The following HDAC4 variants were observed in gnomAD, a reference collection of about 807,000 sequenced individuals.
The protein encoded by HDAC4 is histone deacetylase A.
Under a neutral mutation model 135.1 loss-of-function variants are expected in HDAC4, and 16 were observed. That is an observed-to-expected ratio of 0.12 (90% CI 0.08 to 0.18). The LOEUF (loss-of-function observed/expected upper bound fraction) is 0.18, where lower values mean the gene tolerates loss of function less well. Ranked by LOEUF, HDAC4 falls within the 10% of genes least tolerant of loss-of-function variation. The pLI is 1.00. For synonymous variants in HDAC4, 685 were observed against 653.4 expected (o/e 1.05, Z -0.74); for missense variants, 1,143 against 1,511.8 (o/e 0.76, Z 4.05).
intron 1 of HDAC4, among the ~76,000 whole-genome samples, chr2:239,357,283 A>T (rs1413594033): frequency 1.3e-5 from 2 of 152,240 alleles, no homozygotes; most frequent in African/African-American, 2.4e-5. Context: ...AAAAAATTTA[A>T]AAGAAGTTAG....
At chr2:239,257,085 A>T (rs1533932) in intron 2 of HDAC4, among the ~76,000 whole-genome samples, 1 of 151,862 alleles carries the variant, frequency 6.6e-6, no homozygotes, top group Non-Finnish European at 1.5e-5. Flanking sequence ...ATTCCTATAA[A>T]CCCTTTAATA....
At chr2:239,119,521 T>TCAGAGCTGAGGGTGTGGGGAC (rs1367516597) in intron 12 of HDAC4, among the ~76,000 whole-genome samples, 1 of 150,644 alleles carries the variant, frequency 6.6e-6, no homozygotes, top group Admixed American at 6.6e-5. Flanking sequence ...GGACCAGAGC[T>TCAGAGCTGAGGGTGTGGGGAC]CAGAGCTGAG....
intron 2 of HDAC4, among the ~76,000 whole-genome samples, chr2:239,338,020 A>G (rs929053004): frequency 2.6e-5 from 4 of 152,148 alleles, no homozygotes; most frequent in Non-Finnish European, 5.9e-5. Flanking sequence ...ATCCCCCAGC[A>G]CACCGAAAGC....
intron 18 of HDAC4, chr2:239,089,677 A>AT (rs2152719596): frequency 3.4e-6 from 1 of 291,252 alleles, no homozygotes; most frequent in African/African-American, 2.2e-5. Flanking sequence ...TGTAATCTCT[A>AT]ATAGAGTCAA....
chr2:239,263,275 G>GGAC (rs2049491542), intron 2 of HDAC4, among the ~76,000 whole-genome samples: 1 of 79,466 alleles, frequency 1.3e-5, no homozygotes, highest in Admixed American at 1.2e-4. Context: ...CCCCCGCCCA[G>GGAC]CCCAGCCCCC....
rs116502791 is a variant in HDAC4 at position 239,188,743 on chromosome 2, C to T, written c.339+1090G>A. On this transcript the variant is annotated intron_variant, in intron 4 of 26. Transcript: ENST00000543185. ...GCCTGCCACTTCCCAGATCAGGGCACGAGAGACCCTGTGGCTTCCATGTTG... is the reference window on the plus strand; with the variant it reads ...GCCTGCCACTTCCCAGATCAGGGCATGAGAGACCCTGTGGCTTCCATGTTG... 3.5e-3 allele frequency among the ~76,000 whole-genome samples: 527 copies of T among 152,354 alleles called. 3 individuals carry two copies. Among genetic ancestry groups the T allele is most frequent in the African/African-American group, 0.012 (496 of 41,576 alleles).
intron 17 of HDAC4, chr2:239,091,586 C>G (rs1462477337): frequency 6.6e-6 from 1 of 152,158 alleles, no homozygotes; most frequent in East Asian, 1.9e-4. Context: ...CTCGAGGGCT[C>G]CTGTCCACCA....
rs545488966 is a variant in HDAC4 at position 239,165,659 on chromosome 2, G to A, written c.491-1736C>T. ...GGATGGAGAACACAAAGGCGGCCAG[G>A]TGCGCCTCAGGTGAGGTTGGCTCAG... On this transcript the variant is annotated intron_variant, in intron 5 of 26. Transcript: ENST00000543185. 1.1e-4 allele frequency among the ~76,000 whole-genome samples: 16 copies of A among 152,338 alleles called. No individual in the cohort carries two copies. In the South Asian group the frequency reaches 3.1e-3, roughly 30 times the overall value.
chr2:239,099,664 CTT>C (rs1181343114), intron 16 of HDAC4, among the ~76,000 whole-genome samples: 1 of 152,232 alleles, frequency 6.6e-6, no homozygotes, highest in Non-Finnish European at 1.5e-5. Flanking sequence ...CTAGGGCTCC[CTT>C]CCCCAGCCCC....
chr2:239,351,024 A>T (rs1394456546), intron 2 of HDAC4, among the ~76,000 whole-genome samples: 3 of 152,212 alleles, frequency 2.0e-5, no homozygotes, highest in Non-Finnish European at 4.4e-5. Flanking sequence ...GACTGAACCT[A>T]CCCAGTGCTG....
intron 12 of HDAC4, among the ~76,000 whole-genome samples, chr2:239,116,415 A>C (rs2039138613): frequency 6.6e-6 from 1 of 152,092 alleles, no homozygotes; most frequent in Non-Finnish European, 1.5e-5. Context: ...TCACACCCCA[A>C]GCTCCCAATT....
At chr2:239,222,879 T>C (rs988040575) in intron 3 of HDAC4, among the ~76,000 whole-genome samples, 3 of 152,086 alleles carry the variant, frequency 2.0e-5, no homozygotes, top group African/African-American at 7.2e-5. Context: ...CCAGTAAGCA[T>C]TGTCACCTGG....
At chr2:239,142,412 C>T (rs2041444583) in intron 8 of HDAC4, among the ~76,000 whole-genome samples, 1 of 152,200 alleles carries the variant, frequency 6.6e-6, no homozygotes, top group Admixed American at 6.5e-5. Flanking sequence ...CCCATCGTGG[C>T]AGCTCCCTGG....
chr2:239,266,585 G>A (rs1164335591), intron 2 of HDAC4, among the ~76,000 whole-genome samples: 1 of 152,182 alleles, frequency 6.6e-6, no homozygotes, highest in Admixed American at 6.5e-5. Context: ...CTCCCTCTGG[G>A]AAATTATAAG....
In HDAC4 at chr2:239,369,636, G is replaced by A. The variant is rs544328250; in HGVS notation, c.-219-16718C>T. Among the ~76,000 whole-genome samples the A allele has an allele frequency of 2.6e-5, 4 of 152,230 alleles. No homozygotes were observed. In the South Asian group the frequency reaches 6.2e-4, roughly 24 times the overall value. On this transcript the variant is annotated intron_variant, in intron 1 of 26. Coordinates refer to ENST00000543185, the MANE Select transcript of HDAC4 (RefSeq NM_001378414.1). ...CGGGTCAAGCCCTGCTCTCATTTCC[G>A]CGTACACGGTGTAGCTGGGCATGAA...
chr2:239,211,133 A>T (rs2046336923), intron 3 of HDAC4, among the ~76,000 whole-genome samples: 1 of 152,254 alleles, frequency 6.6e-6, no homozygotes, highest in Non-Finnish European at 1.5e-5. Context: ...GCTTTCATGC[A>T]TCGAAAATCA....
chr2:239,098,219 C>G (rs1253765926), intron 16 of HDAC4, among the ~76,000 whole-genome samples: 2 of 152,240 alleles, frequency 1.3e-5, no homozygotes. Flanking sequence ...AGGAGCCCAG[C>G]GGCCTCCTGT....
Position 239,328,523 on chromosome 2 carries a change from C to G in HDAC4, c.22+24155G>C, listed in dbSNP as rs547529675. Among the ~76,000 whole-genome samples, 7 of 152,300 alleles carry G rather than the reference C, an allele frequency of 4.6e-5. No homozygotes were observed. The East Asian group carries it at 1.4e-3, about 29-fold the overall frequency. On this transcript the variant is annotated intron_variant, in intron 2 of 26. Transcript: ENST00000543185. ...CTCACACACAGGGATCTTTCTTAAC[C>G]CCTACAGAATGCCCACTGGAAGGAG...
At chr2:239,248,886 T>C (rs2048619964) in intron 2 of HDAC4, among the ~76,000 whole-genome samples, 1 of 152,210 alleles carries the variant, frequency 6.6e-6, no homozygotes. Flanking sequence ...GGCTCATTCA[T>C]TCAAGTTTTC....
Sources: allele counts gnomAD v4.1 joint callset (sites outside exome capture counted in the v4.1 genomes callset), GRCh38; gene constraint gnomAD v4.1.1; transcripts MANE v1.5; gene names NCBI Gene and HGNC (gene_info 2026-07-23, HGNC 2026-07-21).